The following RALGPS2 variants were observed in gnomAD, a reference collection of about 807,000 sequenced individuals.
The protein encoded by RALGPS2 is Ral GEF with PH domain and SH3 binding motif 2.
A neutral mutation model predicts 86.8 loss-of-function variants in RALGPS2; 43 were observed. That is an observed-to-expected ratio of 0.50 (90% confidence interval 0.39 to 0.64). The LOEUF (loss-of-function observed/expected upper bound fraction) is 0.64. Ranked by LOEUF, RALGPS2 falls within the 30% of genes least tolerant of loss-of-function variation. RALGPS2 has a pLI of 0.00. For synonymous variants in RALGPS2, 243 were observed against 231.3 expected (o/e 1.05, Z -0.46); for missense variants, 536 against 694.6 (o/e 0.77, Z 2.57).
At chr1:178,783,514 C>G (rs1008652154) in intron 2 of RALGPS2, among the ~76,000 whole-genome samples, 4 of 151,934 alleles carry the variant, frequency 2.6e-5, no homozygotes, top group African/African-American at 9.7e-5. Flanking sequence ...GATCGTGGCT[C>G]GATACTTCGT....
chr1:178,886,211 G>T, intron 13 of RALGPS2, 91 bp downstream of exon 13: 1 of 1,351,136 alleles, frequency 7.4e-7, no homozygotes, highest in Non-Finnish European at 1.0e-6. Context: ...CCCACACACA[G>T]AGAAAATTTG....
intron 8 of RALGPS2, chr1:178,864,884 G>A: frequency 9.5e-7 from 1 of 1,050,002 alleles, no homozygotes; most frequent in African/African-American, 1.6e-5. Flanking sequence ...CATTTATTAT[G>A]AGCATTGTTT....
chr1:178,784,653 T>C, intron 3 of RALGPS2, 131 bp downstream of exon 3: 1 of 603,286 alleles, frequency 1.7e-6, no homozygotes, highest in Non-Finnish European at 2.7e-6. Flanking sequence ...TTGGGGAAAA[T>C]AGTACAGCTG....
rs533061405 is a variant in RALGPS2, at chr1:178,824,811, A to G, written c.480+3107A>G. Among the ~76,000 whole-genome samples the G allele has an allele frequency of 4.6e-3, 582 of 126,462 alleles. 6 individuals are homozygous for G. The highest frequency in any genetic ancestry group is 0.018 in the African/African-American group (562 of 31,518). 83.0% of individuals were successfully genotyped at this position (126,462 alleles called of 152,430 possible). The stretch of plus-strand genomic sequence containing the variant: ...GCGACAGAGCAAGACTCTGTCTCAA[A>G]AAAAAAGAAAAAAAAAGAAAAGATA... On this transcript the variant is annotated intron_variant, in intron 7 of 19. Coordinates refer to ENST00000367635, the MANE Select transcript of RALGPS2 (RefSeq NM_152663.5).
At chr1:178,757,677 G>C (rs1652022099) in intron 1 of RALGPS2, among the ~76,000 whole-genome samples, 1 of 152,144 alleles carries the variant, frequency 6.6e-6, no homozygotes, top group African/African-American at 2.4e-5. Context: ...TTGGTGTGCT[G>C]CTGGATTCGG....
intron 8 of RALGPS2, chr1:178,851,301 A>G: frequency 2.5e-6 from 4 of 1,609,620 alleles, no homozygotes; most frequent in Non-Finnish European, 3.4e-6. Flanking sequence ...TCCTTTATGA[A>G]AGTGGGCGCA....
Position 178,900,612 on chromosome 1 carries a change from T to G in RALGPS2, c.1525-1494T>G, listed in dbSNP as rs541004949. On this transcript the variant is annotated intron_variant, in intron 17 of 19. Transcript: ENST00000367635. ...TGTAGAAGAATATTTCTATAATATT[T>G]ATGACAACAGAAATCTGGAAATACC... 1.1e-3 allele frequency among the ~76,000 whole-genome samples: 161 copies of G among 152,128 alleles called. 1 individual carries two copies. The highest frequency in any genetic ancestry group is 3.3e-3 in the African/African-American group (139 of 41,560).
chr1:178,897,799 T>C, intron 17 of RALGPS2, 43 bp downstream of exon 17: 1 of 1,536,810 alleles, frequency 6.5e-7, no homozygotes, highest in Non-Finnish European at 9.0e-7. Context: ...TTTCCCAGAC[T>C]GTTCATGGTT....
At chr1:178,827,650 C>T (rs961237832) in intron 7 of RALGPS2, among the ~76,000 whole-genome samples, 101 of 152,256 alleles carry the variant, frequency 6.6e-4, no homozygotes, top group Non-Finnish European at 1.3e-3. Flanking sequence ...CCGCCTCGGC[C>T]TCCCAAAGTG....
intron 14 of RALGPS2, 95 bp downstream of exon 14, chr1:178,889,791 C>T (rs1279254856): frequency 2.4e-6 from 2 of 831,210 alleles, no homozygotes; most frequent in Non-Finnish European, 1.9e-6. Context: ...TACTACATAT[C>T]CCTAAGCGAT....
At chr1:178,745,407 GTTGTAT>G (rs1016871123) in intron 1 of RALGPS2, among the ~76,000 whole-genome samples, 2 of 152,198 alleles carry the variant, frequency 1.3e-5, no homozygotes, top group Non-Finnish European at 2.9e-5. Flanking sequence ...TCAAAACAAT[GTTGTAT>G]TTGTATAAGG....
chr1:178,735,754 T>TA (rs1650657346), intron 1 of RALGPS2, among the ~76,000 whole-genome samples: 2 of 152,044 alleles, frequency 1.3e-5, no homozygotes, highest in African/African-American at 2.4e-5. Flanking sequence ...AATGAAACCA[T>TA]AAAAAATAAA....
At chr1:178,733,717 A>G (rs949759532) in intron 1 of RALGPS2, among the ~76,000 whole-genome samples, 1 of 152,240 alleles carries the variant, frequency 6.6e-6, no homozygotes, top group Non-Finnish European at 1.5e-5. Flanking sequence ...GTCTGGGGAT[A>G]GACCTGATAG....
intron 6 of RALGPS2, 75 bp from the exon 7 acceptor site, chr1:178,821,537 C>T: frequency 9.0e-7 from 1 of 1,114,250 alleles, no homozygotes; most frequent in Admixed American, 1.9e-5. Flanking sequence ...CAAGATTGTA[C>T]TTGTTAGTCT....
chr1:178,859,621 G>C (rs1299801572), intron 8 of RALGPS2, among the ~76,000 whole-genome samples: 1 of 148,932 alleles, frequency 6.7e-6, no homozygotes, highest in Non-Finnish European at 1.5e-5. Context: ...GACAAGGAAA[G>C]ACACATAAAG....
At chr1:178,890,977 T>C (rs1158008087) in intron 14 of RALGPS2, among the ~76,000 whole-genome samples, 8 of 152,054 alleles carry the variant, frequency 5.3e-5, no homozygotes, top group African/African-American at 1.9e-4. Flanking sequence ...CCATGAGAAG[T>C]TGATTATAGA....
At chr1:178,816,091 G>GAA (rs1360384750) in intron 6 of RALGPS2, among the ~76,000 whole-genome samples, 12 of 152,258 alleles carry the variant, frequency 7.9e-5, no homozygotes, top group East Asian at 3.9e-4. Context: ...AGGAATGGTG[G>GAA]ACTTTCTGGG....
At chr1:178,898,371 C>T (rs1660032611) in intron 17 of RALGPS2, among the ~76,000 whole-genome samples, 1 of 151,928 alleles carries the variant, frequency 6.6e-6, no homozygotes, top group African/African-American at 2.4e-5. Context: ...GTTTATCCTA[C>T]TGAGGAAAGG....
In RALGPS2 at chr1:178,772,762, A is replaced by C. The variant is rs561566096; in HGVS notation, c.-83-3920A>C. Among the ~76,000 whole-genome samples the C allele has an allele frequency of 3.9e-5, 6 of 152,322 alleles. No homozygotes were observed. In the South Asian group the frequency reaches 1.2e-3, roughly 32 times the overall value. On this transcript the variant is annotated intron_variant, in intron 1 of 19. Transcript: ENST00000367635. ...TGTAGAATCTCTTTTTATTGACTGAAGGCAAAACAATTTTAACTTAAGTGA... is the reference window on the plus strand; with the variant it reads ...TGTAGAATCTCTTTTTATTGACTGACGGCAAAACAATTTTAACTTAAGTGA...
Sources: allele counts gnomAD v4.1 joint callset (sites outside exome capture counted in the v4.1 genomes callset), GRCh38; gene constraint gnomAD v4.1.1; transcripts MANE v1.5; gene names NCBI Gene and HGNC (gene_info 2026-07-23, HGNC 2026-07-21).